CDKAL1: variants seen among roughly 807,000 people sequenced by gnomAD.
CDKAL1 encodes CDKAL1 threonylcarbamoyladenosine tRNA methylthiotransferase.
In CDKAL1, 32 loss-of-function variants were observed where a neutral mutation model predicts 68.2. That is an observed-to-expected ratio of 0.47 (90% CI 0.35 to 0.63). The LOEUF is 0.63. Ranked by LOEUF, CDKAL1 falls within the 30% of genes least tolerant of loss-of-function variation. The probability of loss-of-function intolerance (pLI) is 0.00; values close to 1 mark genes in which losing one functional copy is unlikely to be tolerated. For missense variants in CDKAL1, 606 were observed against 696.7 expected, an observed-to-expected ratio of 0.87 and a Z score of 1.47; for synonymous variants, 234 against 244.3, an observed-to-expected ratio of 0.96 and a Z score of 0.39.
intron 4 of CDKAL1, among the ~76,000 whole-genome samples, chr6:20,593,130 CT>C: frequency 6.6e-6 from 1 of 152,166 alleles, no homozygotes; most frequent in East Asian, 1.9e-4. Context: ...CTGAAATTTT[CT>C]TTTTTTGTTG....
intron 4 of CDKAL1, among the ~76,000 whole-genome samples, chr6:20,577,428 G>A (rs1218310695): frequency 6.6e-6 from 1 of 152,122 alleles, no homozygotes; most frequent in African/African-American, 2.4e-5. Context: ...TCCTTGCTCT[G>A]TGCTTTCATA....
chr6:20,609,877 A>C (rs1196737844), intron 4 of CDKAL1, among the ~76,000 whole-genome samples: 1 of 152,132 alleles, frequency 6.6e-6, no homozygotes, highest in African/African-American at 2.4e-5. Context: ...ACTTCATCAC[A>C]GGTATTAAGC....
intron 5 of CDKAL1, among the ~76,000 whole-genome samples, chr6:20,707,861 CGTTTTAGAAGG>C (rs1771673178): frequency 6.6e-6 from 1 of 152,036 alleles, no homozygotes; most frequent in Admixed American, 6.6e-5. Context: ...TAAAAATGTA[CGTTTTAGAAGG>C]GCTTTGAGTT....
intron 4 of CDKAL1, among the ~76,000 whole-genome samples, chr6:20,578,495 T>C (rs1765005589): frequency 6.6e-6 from 1 of 152,238 alleles, no homozygotes; most frequent in Non-Finnish European, 1.5e-5. Flanking sequence ...TGTTGTTGCA[T>C]GTATAAATTC....
intron 11 of CDKAL1, among the ~76,000 whole-genome samples, chr6:21,064,113 T>C (rs1387166021): frequency 6.6e-6 from 1 of 152,208 alleles, no homozygotes; most frequent in Non-Finnish European, 1.5e-5. Context: ...AAAATTTGTA[T>C]GGATAATACT....
rs1387420287 is a variant in CDKAL1, at chr6:20,748,554, GGAAAAA to G, written c.468+8940_468+8945del. Among the ~76,000 whole-genome samples, 130 of 77,054 alleles carry G rather than the reference GGAAAAA, an allele frequency of 1.7e-3. 9 individuals are homozygous for G. Among genetic ancestry groups the G allele is most frequent in the Admixed American group, 2.6e-3 (16 of 6,076 alleles). The allele number at this position is 77,054 out of a possible 152,430, so 50.6% of individuals were successfully genotyped here. Reference sequence around the variant, plus strand: ...GGAAAGAGAGCAAGACTCTGTTTCTGGAAAAAAAAAAAAAAAAAAAAAAAAAAAAAA... The same window carrying G: ...GGAAAGAGAGCAAGACTCTGTTTCTGAAAAAAAAAAAAAAAAAAAAAAAAA... On this transcript the variant is annotated intron_variant, in intron 6 of 15. Coordinates refer to ENST00000274695, the MANE Select transcript of CDKAL1 (RefSeq NM_017774.3).
chr6:21,015,218 A>C (rs189374070), intron 11 of CDKAL1, among the ~76,000 whole-genome samples: 5 of 152,338 alleles, frequency 3.3e-5, no homozygotes, highest in Admixed American at 3.3e-4. Context: ...TTTTCAACCC[A>C]GTGTTTCCTC....
At chr6:21,216,013 A>G (rs577247681) in intron 15 of CDKAL1, among the ~76,000 whole-genome samples, 1 of 152,310 alleles carries the variant, frequency 6.6e-6, no homozygotes, top group East Asian at 1.9e-4. Context: ...ATCAGAGGTC[A>G]GAGTGATAGG....
Position 20,594,861 on chromosome 6 carries a change from G to T in CDKAL1, c.286+46156G>T, listed in dbSNP as rs67121595. 1.3e-5 allele frequency among the ~76,000 whole-genome samples: 2 copies of T among 151,976 alleles called. 1 individual carries two copies. Among genetic ancestry groups the T allele is most frequent in the South Asian group, 4.1e-4 (2 of 4,824 alleles). On this transcript the variant is annotated intron_variant, in intron 4 of 15. Coordinates refer to ENST00000274695, the MANE Select transcript of CDKAL1 (RefSeq NM_017774.3). ...TTTAGTGCTTCATTCAGGAACTCTA[G>T]TAAGGCAGGCCTGGAATCTCTCAGC...
chr6:20,578,250 A>G (rs1027897896), intron 4 of CDKAL1, among the ~76,000 whole-genome samples: 10 of 152,132 alleles, frequency 6.6e-5, no homozygotes, highest in Middle Eastern at 6.8e-3. Flanking sequence ...TTTTTTTCCC[A>G]TTTATGCACC....
intron 11 of CDKAL1, among the ~76,000 whole-genome samples, chr6:21,022,318 C>T (rs888647109): frequency 2.0e-5 from 3 of 152,174 alleles, no homozygotes; most frequent in South Asian, 2.1e-4. Context: ...TACAGGTTCA[C>T]GCCTAGCCAT....
intron 11 of CDKAL1, among the ~76,000 whole-genome samples, chr6:21,018,253 G>A (rs1347610747): frequency 6.6e-6 from 1 of 152,106 alleles, no homozygotes; most frequent in Non-Finnish European, 1.5e-5. Context: ...TAGGGTCCAA[G>A]GTTATTTTTC....
intron 8 of CDKAL1, among the ~76,000 whole-genome samples, chr6:20,781,853 A>T (rs1461000828): frequency 6.6e-6 from 1 of 152,164 alleles, no homozygotes; most frequent in African/African-American, 2.4e-5. Flanking sequence ...TTAAATTATG[A>T]GTCCATCAGA....
intron 13 of CDKAL1, among the ~76,000 whole-genome samples, chr6:21,154,207 A>G (rs1484778536): frequency 6.6e-6 from 1 of 152,198 alleles, no homozygotes; most frequent in Non-Finnish European, 1.5e-5. Context: ...CACACACATC[A>G]TCCATACTCA....
At chr6:20,895,003 A>G (rs182503046) in intron 9 of CDKAL1, among the ~76,000 whole-genome samples, 1 of 152,272 alleles carries the variant, frequency 6.6e-6, no homozygotes, top group Non-Finnish European at 1.5e-5. Context: ...ATCACCTCCT[A>G]CCAGGTTCTC....
chr6:20,617,821 A>G (rs934780447), intron 4 of CDKAL1, among the ~76,000 whole-genome samples: 1 of 152,134 alleles, frequency 6.6e-6, no homozygotes, highest in Non-Finnish European at 1.5e-5. Flanking sequence ...CTATCATTGA[A>G]GGACATTTGG....
chr6:20,869,998 G>T lies in CDKAL1; in HGVS notation c.742+23820G>T, dbSNP rs554292873. 2.8e-4 allele frequency among the ~76,000 whole-genome samples: 42 copies of T among 152,304 alleles called. No homozygotes were observed. The South Asian group carries it at 2.9e-3, about 11-fold the overall frequency. ...AATATAACATTTATATGGTCTGAGT[G>T]CTTGAACACCTTTCTATAAATAATA... is the stretch of plus-strand genomic sequence containing the variant. On this transcript the variant is annotated intron_variant, in intron 9 of 15. Coordinates refer to ENST00000274695, the MANE Select transcript of CDKAL1 (RefSeq NM_017774.3).
chr6:21,135,440 G>C (rs1392519786), intron 13 of CDKAL1, among the ~76,000 whole-genome samples: 1 of 152,092 alleles, frequency 6.6e-6, no homozygotes, highest in African/African-American at 2.4e-5. Context: ...AGAGTATGCA[G>C]GATGATAGGT....
chr6:21,082,258 T>G (rs1252344851), intron 12 of CDKAL1, among the ~76,000 whole-genome samples: 1 of 144,278 alleles, frequency 6.9e-6, no homozygotes, highest in Non-Finnish European at 1.5e-5. Context: ...GTGGATAAGA[T>G]AAGAAGTTAG....
Sources: gnomAD v4.1 joint callset for allele counts (sites outside exome capture counted in the v4.1 genomes callset) on GRCh38, gnomAD v4.1.1 for gene constraint, MANE v1.5 for transcripts, NCBI Gene and HGNC (gene_info 2026-07-23, HGNC 2026-07-21) for gene names.